Variants in SLC26A11 observed in about 807,000 individuals in gnomAD.
The protein encoded by SLC26A11 is solute carrier family 26 member 11, also known as sodium-independent sulfate anion transporter.
In SLC26A11, 58 loss-of-function variants were observed where a neutral mutation model predicts 62.2. The observed-to-expected ratio is 0.93, with a 90% CI of 0.76 to 1.16. SLC26A11 has a LOEUF of 1.16. Among genes scored for constraint, SLC26A11 ranks in the 50% most tolerant of loss-of-function variants. The pLI, the probability that SLC26A11 is intolerant of heterozygous loss-of-function variation, is 0.00. For missense variants in SLC26A11, 790 were observed against 794.3 expected (o/e 0.99, Z 0.06); for synonymous variants, 411 against 368.9 (o/e 1.11, Z -1.31).
At position 80,248,123 on chromosome 17, in the gene SLC26A11, C is replaced by T. The variant is rs2043056776; in HGVS notation, c.1295-7C>T. The T allele has an allele frequency of 6.3e-7, 1 of 1,599,730 alleles. No individual in the cohort carries two copies. The highest frequency in any genetic ancestry group is 1.3e-5 in the African/African-American group (1 of 75,006). ...CCGGGCATTCCTCAGCTGTGCCCTT[C>T]TCCTAGGGCTGGACCTGCTGCCCCT... On this transcript the variant is annotated splice_polypyrimidine_tract_variant and splice_region_variant and intron_variant, in intron 13 of 17. Coordinates refer to ENST00000361193, the MANE Select transcript of SLC26A11 (RefSeq NM_001166347.2).
chr17:80,222,804 C>T lies in SLC26A11; in HGVS notation c.384C>T (p.Phe128=). ...CCGCCTACGCTGTGCTGCTGGCCTT[C>T]CTGTCCGGCTGCATCCAGCTGGCCA... ...HEPAYAVLLA[F]LSGCIQLAMG... The change falls in exon 4 of 18, where the codon TTC becomes TTT. Residue 128 remains phenylalanine, a synonymous_variant. Coordinates refer to ENST00000361193, the MANE Select transcript of SLC26A11 (RefSeq NM_001166347.2). This position sits in a 1 kb window ranked among gnomAD's most constrained non-coding sequence, Gnocchi z 4.7. 6.2e-7 allele frequency: 1 copy of T among 1,614,210 alleles called. No homozygotes were observed. Among genetic ancestry groups the T allele is most frequent in the Non-Finnish European group, 8.5e-7 (1 of 1,180,048 alleles).
At chr17:80,231,384 G>C (rs986014893) in intron 7 of SLC26A11, among the ~76,000 whole-genome samples, 1 of 151,104 alleles carries the variant, frequency 6.6e-6, no homozygotes, top group Admixed American at 6.6e-5. Context: ...GGCTGGTCTC[G>C]AACTCCTGAA....
rs558676198 is a variant in SLC26A11 at position 80,228,803 on chromosome 17, T to C, written c.736+843T>C. 6.6e-6 allele frequency among the ~76,000 whole-genome samples: 1 copy of C among 152,270 alleles called. No individual in the cohort carries two copies. The highest frequency in any genetic ancestry group is 6.5e-5 in the Admixed American group (1 of 15,296). ...GCTCTGTTTGAATTGTGCAGCTTTA[T>C]GGGGGTACAACTTCAGCTTCAGGCG... On this transcript the variant is annotated intron_variant, in intron 7 of 17. Transcript: ENST00000361193. This position sits in a 1 kb window ranked among gnomAD's most constrained non-coding sequence, Gnocchi z 4.1.
rs1401747348 is a variant in SLC26A11, at chr17:80,249,197, C to T, written c.1566C>T (p.Cys522=). ...RCLVLECTHV[C]SIDYTVVLGL... The stretch of plus-strand genomic sequence containing the variant: ...TGGTCCTGGAGTGCACCCATGTCTG[C>T]AGCATCGACTACACTGTGGTGCTGG... Residue 522 remains cysteine, a synonymous_variant, in exon 16 of 18, where the codon TGC becomes TGT. Coordinates refer to ENST00000361193, the MANE Select transcript of SLC26A11 (RefSeq NM_001166347.2). 3.7e-6 allele frequency: 6 copies of T among 1,610,552 alleles called. No individual in the cohort carries two copies. The Admixed American group carries it at 1.0e-4, about 27-fold the overall frequency.
chr17:80,246,353 G>A lies in SLC26A11; in HGVS notation c.1153+144G>A. On this transcript the variant is annotated intron_variant, in intron 12 of 17. Transcript: ENST00000361193. The surrounding 1 kb of genome is among the most constrained non-coding windows in gnomAD (Gnocchi z 4.4). ...CTTGGGGGGCCACACAGGAGTAGGG[G>A]GACCACAGGAGACTGAGCAGGGGCT... 1 of 1,406,024 alleles carries A rather than the reference G, an allele frequency of 7.1e-7. No homozygotes were observed. Among genetic ancestry groups the A allele is most frequent in the Non-Finnish European group, 9.6e-7 (1 of 1,041,500 alleles). The allele number at this position is 1,406,024 out of a possible 1,614,324, so 87.1% of individuals were successfully genotyped here. A position where few individuals can be genotyped will look rare whatever the true frequency, so the allele number is the denominator to read the frequency against.
Position 80,252,706 on chromosome 17 carries a change from T to C in SLC26A11, c.1811T>C (p.Leu604Pro), listed in dbSNP as rs1426751958. The C allele has an allele frequency of 3.1e-6, 5 of 1,613,726 alleles. No homozygotes were observed. The highest frequency in any genetic ancestry group is 3.4e-6 in the Non-Finnish European group (4 of 1,179,940). The change falls in exon 18 of 18, where the codon CTC becomes CCC. Residue 604 changes from leucine (L) to proline (P), a missense_variant. Physicochemically the swap from Leu to Pro is moderately conservative, Grantham distance 98. Coordinates refer to ENST00000361193, the MANE Select transcript of SLC26A11 (RefSeq NM_001166347.2). This position sits in a 1 kb window ranked among gnomAD's most constrained non-coding sequence, Gnocchi z 5.2. Reference sequence around the variant, plus strand: ...ATTCTGGACCAAAAGGTTGCCCTGCTCAAGGCATAATGGGGCCACCCGTGG... The same window carrying C: ...ATTCTGGACCAAAAGGTTGCCCTGCCCAAGGCATAATGGGGCCACCCGTGG... ...DSILDQKVALLKA is the reference protein window; with the variant it reads ...DSILDQKVALPKA
intron 15 of SLC26A11, 31 bp from the exon 16 acceptor site, chr17:80,249,123 G>T: frequency 6.3e-7 from 1 of 1,595,760 alleles, no homozygotes. Flanking sequence ...TGCTCTGGGT[G>T]GCGTGACCTG....
chr17:80,239,476 G>A (rs969655754), intron 9 of SLC26A11, among the ~76,000 whole-genome samples: 30 of 149,854 alleles, frequency 2.0e-4, no homozygotes, highest in African/African-American at 7.2e-4. Flanking sequence ...TGCAAGCTCC[G>A]CCTCCTGGGT....
At chr17:80,233,584 A>ATTTTTTTTTTTTTT (rs56289503) in intron 7 of SLC26A11, among the ~76,000 whole-genome samples, 1 of 142,406 alleles carries the variant, frequency 7.0e-6, no homozygotes. Context: ...CTCTTTCAGC[A>ATTTTTTTTTTTTTT]TTTTTTTTTT....
Position 80,225,548 on chromosome 17 carries a change from G to T in SLC26A11, c.514-289G>T, listed in dbSNP as rs1416096596. The stretch of plus-strand genomic sequence containing the variant: ...GTAGAACCTGTCTGCCTGCTGTGGG[G>T]TCACCTACATTGTTTTTTATGAGAA... On this transcript the variant is annotated intron_variant, in intron 5 of 17. Coordinates refer to ENST00000361193, the MANE Select transcript of SLC26A11 (RefSeq NM_001166347.2). 1.8e-5 allele frequency: 6 copies of T among 337,618 alleles called. No homozygotes were observed. The East Asian group carries it at 4.0e-4, about 22-fold the overall frequency. 20.9% of individuals were successfully genotyped at this position (337,618 alleles called of 1,614,324 possible). A position where few individuals can be genotyped will look rare whatever the true frequency, so the allele number is the denominator to read the frequency against.
chr17:80,245,170 A>G (rs759226692), intron 10 of SLC26A11, 26 bp from the exon 11 acceptor site: 2 of 1,611,806 alleles, frequency 1.2e-6, no homozygotes, highest in Non-Finnish European at 1.7e-6. Flanking sequence ...TCCCTCCACG[A>G]TCAGCCTGTC....
At chr17:80,241,665 A>T in intron 9 of SLC26A11, 106 bp from the exon 10 acceptor site, 1 of 1,178,054 alleles carries the variant, frequency 8.5e-7, no homozygotes, top group Non-Finnish European at 1.3e-6. Context: ...GATTTACAAA[A>T]CTTATTGCCG....
At chr17:80,242,030 G>A (rs1006001401) in intron 10 of SLC26A11, among the ~76,000 whole-genome samples, 19 of 152,282 alleles carry the variant, frequency 1.2e-4, no homozygotes, top group African/African-American at 4.1e-4. Flanking sequence ...AGGCAGGAGT[G>A]CAGTGGCACG....
In SLC26A11 at chr17:80,231,277, C is replaced by G. The variant is rs188086231; in HGVS notation, c.736+3317C>G. The stretch of plus-strand genomic sequence containing the variant: ...TCCCGGGTTCAAGTGATTCTCCTGC[C>G]TCAGCCTCCCAAGTAGCTGGGATTA... On this transcript the variant is annotated intron_variant, in intron 7 of 17. Coordinates refer to ENST00000361193, the MANE Select transcript of SLC26A11 (RefSeq NM_001166347.2). 2.0e-4 allele frequency among the ~76,000 whole-genome samples: 31 copies of G among 151,626 alleles called. No individual in the cohort carries two copies. The East Asian group carries it at 4.5e-3, about 22-fold the overall frequency.
chr17:80,231,240 G>A (rs1054290261), intron 7 of SLC26A11, among the ~76,000 whole-genome samples: 1 of 143,418 alleles, frequency 7.0e-6, no homozygotes, highest in Non-Finnish European at 1.5e-5. Flanking sequence ...TCAGCTCACT[G>A]CAACCTCCGC....
intron 7 of SLC26A11, among the ~76,000 whole-genome samples, chr17:80,233,597 T>TTTTA (rs1555627989): frequency 2.0e-5 from 3 of 151,706 alleles, no homozygotes; most frequent in African/African-American, 7.2e-5. Context: ...TTTTTTTTTT[T>TTTTA]ATTTGACAGG....
chr17:80,250,003 G>A (rs1159514460), intron 16 of SLC26A11, among the ~76,000 whole-genome samples: 4 of 152,198 alleles, frequency 2.6e-5, no homozygotes, highest in African/African-American at 4.8e-5. Context: ...TATGGAGGCC[G>A]TCCTGTTCAG....
rs144775716 is a variant in SLC26A11 at position 80,240,664 on chromosome 17, G to A, written c.986-1107G>A. On this transcript the variant is annotated intron_variant, in intron 9 of 17. Transcript: ENST00000361193. ...CTAAAAATGCAAAAATTAGCTGTGC[G>A]TGGTGGCATGCCCCTGTAGTCCCAG... Among the ~76,000 whole-genome samples the A allele has an allele frequency of 4.7e-4, 71 of 151,984 alleles. 2 individuals carry two copies. In the East Asian group the frequency reaches 0.012, roughly 26 times the overall value.
In SLC26A11 at chr17:80,237,080, A is replaced by G. The variant is rs2042715196; in HGVS notation, c.889A>G (p.Ile297Val). The change falls in exon 8 of 18, where the codon ATC (isoleucine) becomes GTC (valine). Residue 297 changes from isoleucine to valine, a missense_variant. Coordinates refer to ENST00000361193, the MANE Select transcript of SLC26A11 (RefSeq NM_001166347.2). ...CTCAGTGACCACAGCCAACGGGACG[A>G]TCTCCTTCACCGAGATGGTGCAGGT... ...PFSVTTANGT[I>V]SFTEMVQDMG... The G allele has an allele frequency of 1.2e-6, 2 of 1,613,188 alleles. No homozygotes were observed. The highest frequency in any genetic ancestry group is 1.7e-6 in the Non-Finnish European group (2 of 1,179,540).
Sources: gnomAD v4.1 joint callset for allele counts (sites outside exome capture counted in the v4.1 genomes callset) on GRCh38, gnomAD v4.1.1 for gene constraint, Gnocchi (gnomAD v3.1) non-coding constraint, MANE v1.5 for transcripts, NCBI Gene and HGNC (gene_info 2026-07-23, HGNC 2026-07-21) for gene names.